Variants in CLIC5 observed in about 807,000 individuals in gnomAD.
The protein encoded by CLIC5 is CLIC family member 5.
In CLIC5, 20 loss-of-function variants were observed where a neutral mutation model predicts 24.7. The ratio of observed to expected loss-of-function variants is 0.81; its 90% CI spans 0.57 to 1.18. The LOEUF (loss-of-function observed/expected upper bound fraction) is 1.18. Ranked by LOEUF, CLIC5 falls within the 50% of genes most tolerant of loss-of-function variation. The probability of loss-of-function intolerance (pLI) is 0.00; values close to 1 mark genes in which losing one functional copy is unlikely to be tolerated. For missense variants in CLIC5, 341 were observed against 326.1 expected, an observed-to-expected ratio of 1.05 and a Z score of -0.35; for synonymous variants, 159 against 135.6, an observed-to-expected ratio of 1.17 and a Z score of -1.20.
intron 1 of CLIC5, among the ~76,000 whole-genome samples, chr6:46,002,597 T>G (rs1036985467): frequency 1.3e-5 from 2 of 152,174 alleles, no homozygotes; most frequent in African/African-American, 2.4e-5. Context: ...TAATCCCAGA[T>G]AATGTGTCAG....
At chr6:45,919,914 C>T (rs1191595405) in intron 4 of CLIC5, among the ~76,000 whole-genome samples, 2 of 152,122 alleles carry the variant, frequency 1.3e-5, no homozygotes, top group East Asian at 3.9e-4. Context: ...TCGATTAGCT[C>T]TATTATAATT....
chr6:46,128,929 T>C, the CLIC5 span, among the ~76,000 whole-genome samples: 1 of 152,202 alleles, frequency 6.6e-6, no homozygotes, highest in Non-Finnish European at 1.5e-5. Context: ...TGCTTCCAGA[T>C]TGTTGGTAAT....
intron 1 of CLIC5, among the ~76,000 whole-genome samples, chr6:46,027,382 C>A (rs974597101): frequency 2.6e-5 from 4 of 152,212 alleles, no homozygotes; most frequent in Non-Finnish European, 5.9e-5. Context: ...TGGGACAAAG[C>A]ATTTTATGCT....
At position 45,906,518 on chromosome 6, in the gene CLIC5, T is replaced by G. The variant is rs1405248694; in HGVS notation, c.589-3263A>C. ...TATGTTCTTGATTTGGCTCTCAACT[T>G]TAATATTGTTAGCATACAGAAATGC... On this transcript the variant is annotated intron_variant, in intron 5 of 5. Coordinates refer to ENST00000339561, the MANE Select transcript of CLIC5 (RefSeq NM_016929.5). Among the ~76,000 whole-genome samples, 4 of 152,248 alleles carry G rather than the reference T, an allele frequency of 2.6e-5. No individual in the cohort carries two copies. In the South Asian group the frequency reaches 8.3e-4, roughly 32 times the overall value.
At chr6:46,088,279 C>T in the CLIC5 span, among the ~76,000 whole-genome samples, 3 of 151,370 alleles carry the variant, frequency 2.0e-5, no homozygotes, top group East Asian at 5.8e-4. Context: ...AAAGAAAGTA[C>T]TTAAGGCTTT....
chr6:46,114,730 A>G, the CLIC5 span, among the ~76,000 whole-genome samples: 1 of 152,216 alleles, frequency 6.6e-6, no homozygotes, highest in East Asian at 1.9e-4. Context: ...TATTGTTTAA[A>G]GCCTCCCAGT....
intron 5 of CLIC5, chr6:45,911,962 C>G: frequency 1.0e-6 from 1 of 985,562 alleles, no homozygotes; most frequent in Non-Finnish European, 1.2e-6. Flanking sequence ...TGGGCCAGAG[C>G]AACTCTGCTT....
chr6:45,984,186 T>G (rs1765656752), intron 1 of CLIC5, among the ~76,000 whole-genome samples: 1 of 152,154 alleles, frequency 6.6e-6, no homozygotes, highest in African/African-American at 2.4e-5. Context: ...GTACTTGGGA[T>G]TAAAAGACAA....
chr6:45,988,118 G>A (rs564053487), intron 1 of CLIC5, among the ~76,000 whole-genome samples: 15 of 152,280 alleles, frequency 9.9e-5, no homozygotes, highest in African/African-American at 1.9e-4. Flanking sequence ...AAATTCCTTC[G>A]CAGCTGTGAA....
At chr6:46,089,842 A>G in the CLIC5 span, among the ~76,000 whole-genome samples, 2 of 152,192 alleles carry the variant, frequency 1.3e-5, no homozygotes, top group Non-Finnish European at 2.9e-5. Flanking sequence ...ATTTATTATT[A>G]TACATTTTGG....
upstream of CLIC5, among the ~76,000 whole-genome samples, chr6:46,082,768 T>C (rs1045201804): frequency 3.3e-5 from 5 of 152,052 alleles, no homozygotes; most frequent in Admixed American, 3.3e-4. Context: ...CCTATCTTAA[T>C]CCCTGTTCCA....
the CLIC5 span, among the ~76,000 whole-genome samples, chr6:46,103,791 C>A: frequency 6.6e-6 from 1 of 152,126 alleles, no homozygotes; most frequent in African/African-American, 2.4e-5. Flanking sequence ...TTTCCTTTGG[C>A]TCCTACTGTT....
intron 4 of CLIC5, among the ~76,000 whole-genome samples, chr6:45,940,365 G>C (rs1260053766): frequency 6.6e-6 from 1 of 152,240 alleles, no homozygotes; most frequent in South Asian, 2.1e-4. Context: ...GACTGAGGAA[G>C]TGTTTGTTTC....
rs1762530151 is a variant in CLIC5 at position 45,902,296 on chromosome 6, C to T, written c.*792G>A. On this transcript the variant is annotated 3_prime_UTR_variant, in exon 6 of 6. Transcript: ENST00000339561. ...CAACTACTCCTAAGCAAGCAAACCC[C>T]ATGGCTGGTAGACCCCGTGGGTATT... The T allele has an allele frequency of 6.5e-6, 1 of 152,806 alleles. No individual in the cohort carries two copies. The highest frequency in any genetic ancestry group is 2.1e-4 in the South Asian group (1 of 4,828). The allele number at this position is 152,806 out of a possible 1,614,324, so 9.5% of individuals were successfully genotyped here.
chr6:46,033,208 C>T (rs937714077), intron 1 of CLIC5, among the ~76,000 whole-genome samples: 1 of 151,606 alleles, frequency 6.6e-6, no homozygotes, highest in African/African-American at 2.4e-5. Flanking sequence ...AGGATAGTCT[C>T]GAACTCCTGA....
intron 1 of CLIC5, among the ~76,000 whole-genome samples, chr6:45,974,679 A>G (rs1380410438): frequency 6.6e-6 from 1 of 151,814 alleles, no homozygotes; most frequent in African/African-American, 2.4e-5. Flanking sequence ...GAGAGTCTTC[A>G]TATTTTCTTT....
intron 4 of CLIC5, among the ~76,000 whole-genome samples, chr6:45,929,091 C>A (rs187907974): frequency 6.6e-6 from 1 of 152,060 alleles, no homozygotes; most frequent in Non-Finnish European, 1.5e-5. Context: ...CTAATGAATG[C>A]GCCCACCCAC....
chr6:46,084,547 G>A (rs1286791385), upstream of CLIC5, among the ~76,000 whole-genome samples: 1 of 152,138 alleles, frequency 6.6e-6, no homozygotes, highest in Admixed American at 6.5e-5. Context: ...TAGTTTGGCT[G>A]GATATGAAAT....
intron 1 of CLIC5, among the ~76,000 whole-genome samples, chr6:46,064,489 A>G (rs1471317408): frequency 6.6e-6 from 1 of 152,194 alleles, no homozygotes; most frequent in Non-Finnish European, 1.5e-5. Context: ...ATTTCTCATG[A>G]ATATGCAAAA....
Sources: allele counts gnomAD v4.1 joint callset (sites outside exome capture counted in the v4.1 genomes callset), GRCh38; gene constraint gnomAD v4.1.1; transcripts MANE v1.5; gene names NCBI Gene and HGNC (gene_info 2026-07-23, HGNC 2026-07-21).